The following CTSH variants were observed in gnomAD, a reference collection of about 807,000 sequenced individuals.
CTSH encodes the protein pro-cathepsin H.
CTSH carries 52 observed loss-of-function variants against 56.3 expected under a neutral mutation model. The observed-to-expected ratio is 0.92, with a 90% CI of 0.74 to 1.16. The LOEUF (loss-of-function observed/expected upper bound fraction) is 1.16, where lower values mean the gene tolerates loss of function less well. CTSH is among the 50% of genes most tolerant of loss of function. The pLI is 0.00. For missense variants in CTSH, 406 were observed against 424.5 expected, an observed-to-expected ratio of 0.96 and a Z score of 0.38; for synonymous variants, 174 against 155.7, an observed-to-expected ratio of 1.12 and a Z score of -0.88.
intron 7 of CTSH, 66 bp from the exon 8 acceptor site, chr15:78,929,559 C>A: frequency 8.6e-7 from 1 of 1,167,818 alleles, no homozygotes; most frequent in South Asian, 1.4e-5. Flanking sequence ...CCCTCGGGGA[C>A]TGGCGTGGCG....
chr15:78,924,976 A>G (rs2054871002), intron 10 of CTSH, among the ~76,000 whole-genome samples: 1 of 151,802 alleles, frequency 6.6e-6, no homozygotes, highest in Non-Finnish European at 1.5e-5. Flanking sequence ...GAGTACAGGC[A>G]TGAGCCACCA....
intron 7 of CTSH, among the ~76,000 whole-genome samples, chr15:78,930,663 G>A (rs770285182): frequency 3.3e-5 from 5 of 152,190 alleles, no homozygotes; most frequent in Non-Finnish European, 5.9e-5. Context: ...CAGACCAAAA[G>A]TAAGGGGACA....
intron 11 of CTSH, among the ~76,000 whole-genome samples, chr15:78,922,426 A>G (rs1432322740): frequency 1.3e-5 from 2 of 152,136 alleles, no homozygotes; most frequent in Non-Finnish European, 2.9e-5. Context: ...AATGATCCAT[A>G]TCCCACTTCT....
chr15:78,939,653 C>T (rs371703882), intron 1 of CTSH, among the ~76,000 whole-genome samples: 2 of 152,214 alleles, frequency 1.3e-5, no homozygotes, highest in African/African-American at 4.8e-5. Flanking sequence ...TTTGGGAGGC[C>T]GAGGTGGGCC....
intron 3 of CTSH, 25 bp from the exon 4 acceptor site, chr15:78,935,775 A>C (rs370565331): frequency 1.7e-4 from 265 of 1,560,990 alleles, no homozygotes; most frequent in Non-Finnish European, 2.1e-4. Context: ...GAAAAAACCA[A>C]AACAGAAATG....
chr15:78,932,575 C>CA, intron 5 of CTSH, 117 bp from the exon 6 acceptor site: 1 of 710,592 alleles, frequency 1.4e-6, no homozygotes, highest in Non-Finnish European at 2.4e-6. Flanking sequence ...GGTGCCTTGG[C>CA]AGTTTACCAA....
intron 8 of CTSH, among the ~76,000 whole-genome samples, chr15:78,928,309 T>A (rs890178155): frequency 1.3e-5 from 2 of 151,706 alleles, no homozygotes; most frequent in Non-Finnish European, 2.9e-5. Context: ...GGCTCACGCC[T>A]GTAATCACAG....
Position 78,925,435 on chromosome 15 carries a change from G to C in CTSH, c.705C>G (p.Asp235Glu), listed in dbSNP as rs149316890. Residue 235 changes from aspartate (D) to glutamate (E), a missense_variant, in exon 10 of 12, where the codon GAC (aspartate) becomes GAG (glutamate). Transcript: ENST00000220166. ...CCACAGCCTCCACCATCGCTTCCTC[G>C]TCATACTGTGGAAACAGGACCGAGA... ...VKDVANITIY[D>E]EEAMVEAVAL... 1 of 1,609,486 alleles carries C rather than the reference G, an allele frequency of 6.2e-7. No homozygotes were observed. Among genetic ancestry groups the C allele is most frequent in the Non-Finnish European group, 8.5e-7 (1 of 1,175,944 alleles).
At position 78,937,306 on chromosome 15, in the gene CTSH, C is replaced by CG. The variant is rs1254280793; in HGVS notation, c.229+11dup. 1 of 1,606,890 alleles carries CG rather than the reference C, an allele frequency of 6.2e-7. No homozygotes were observed. The highest frequency in any genetic ancestry group is 8.5e-7 in the Non-Finnish European group (1 of 1,173,984). ...ACATCCTTCCAGGAAGGAAGGAAGGCGTTCCACGTACTTTTAAATGTGTGG... is the reference window on the plus strand; with the variant it reads ...ACATCCTTCCAGGAAGGAAGGAAGGCGGTTCCACGTACTTTTAAATGTGTGG... On this transcript the variant is annotated intron_variant, in intron 3 of 11. Coordinates refer to ENST00000220166, the MANE Select transcript of CTSH (RefSeq NM_004390.5).
intron 11 of CTSH, among the ~76,000 whole-genome samples, chr15:78,922,677 G>A (rs1339020588): frequency 2.0e-5 from 3 of 152,160 alleles, no homozygotes; most frequent in African/African-American, 7.2e-5. Context: ...TCTCAAAGAC[G>A]GACCCTCCCA....
chr15:78,943,539 T>C (rs1167136205), intron 1 of CTSH, among the ~76,000 whole-genome samples: 2 of 152,210 alleles, frequency 1.3e-5, no homozygotes, highest in East Asian at 3.8e-4. Context: ...CCCTGACTCC[T>C]GTTTTAGTAC....
At chr15:78,925,578 T>C in intron 9 of CTSH, 138 bp from the exon 10 acceptor site, 1 of 607,822 alleles carries the variant, frequency 1.6e-6, no homozygotes, top group Non-Finnish European at 3.0e-6. Context: ...CTGCGGCCTC[T>C]CTCCCTTCCT....
chr15:78,939,286 A>C, intron 1 of CTSH, 115 bp from the exon 2 acceptor site: 1 of 748,132 alleles, frequency 1.3e-6, no homozygotes, highest in African/African-American at 1.8e-5. Flanking sequence ...TAAATTTAAA[A>C]CACCAAAAAT....
intron 7 of CTSH, 63 bp from the exon 8 acceptor site, chr15:78,929,556 G>A: frequency 1.7e-6 from 2 of 1,184,474 alleles, no homozygotes; most frequent in Non-Finnish European, 2.4e-6. Flanking sequence ...GGGCCCTCGG[G>A]GACTGGCGTG....
intron 6 of CTSH, chr15:78,931,771 C>G: frequency 1.4e-6 from 2 of 1,394,918 alleles, no homozygotes; most frequent in South Asian, 1.5e-5. Context: ...GGGTCCAAAC[C>G]CCTGCCCCGT....
intron 7 of CTSH, among the ~76,000 whole-genome samples, chr15:78,930,542 AAATAAAT>A (rs2055030761): frequency 1.8e-5 from 1 of 56,678 alleles, no homozygotes; most frequent in Non-Finnish European, 3.2e-5. Context: ...AAGAAAAAAT[AAATAAAT>A]AAATAAATAA....
At chr15:78,942,999 A>G (rs1053935466) in intron 1 of CTSH, among the ~76,000 whole-genome samples, 1 of 152,124 alleles carries the variant, frequency 6.6e-6, no homozygotes, top group Admixed American at 6.5e-5. Flanking sequence ...ATCTTGATTA[A>G]GGGCCCTGCT....
At chr15:78,944,678 T>G in intron 1 of CTSH, 1 of 898,476 alleles carries the variant, frequency 1.1e-6, no homozygotes, top group Non-Finnish European at 1.5e-6. Flanking sequence ...TCAGCCCATC[T>G]GCTCCTCTGG....
At chr15:78,924,119 A>AGGGGG (rs1567345760) in intron 10 of CTSH, among the ~76,000 whole-genome samples, 2 of 2,274 alleles carry the variant, frequency 8.8e-4, no homozygotes, top group Non-Finnish European at 1.8e-3. Context: ...GAGGGTGGGC[A>AGGGGG]GGGTGGGTCA....
Sources: allele counts gnomAD v4.1 joint callset (sites outside exome capture counted in the v4.1 genomes callset), GRCh38; gene constraint gnomAD v4.1.1; transcripts MANE v1.5; gene names NCBI Gene and HGNC (gene_info 2026-07-23, HGNC 2026-07-21).